Variants in TANC1 observed in about 807,000 individuals in gnomAD.
TANC1 encodes the protein tetratricopeptide repeat, ankyrin repeat and coiled-coil containing 1.
Under a neutral mutation model 149.7 loss-of-function variants are expected in TANC1, and 77 were observed. That is an observed-to-expected ratio of 0.51 (90% confidence interval 0.43 to 0.62). TANC1 has a LOEUF of 0.62. TANC1 is among the 20% of genes least tolerant of loss of function. The pLI, the probability that TANC1 is intolerant of heterozygous loss-of-function variation, is 0.00. For missense variants in TANC1, 1,985 were observed against 2,321.8 expected (o/e 0.85, Z 2.98); for synonymous variants, 854 against 925.0 (o/e 0.92, Z 1.39).
intron 3 of TANC1, among the ~76,000 whole-genome samples, chr2:159,092,321 T>G (rs1043588660): frequency 2.0e-5 from 3 of 152,190 alleles, no homozygotes; most frequent in Non-Finnish European, 4.4e-5. Context: ...TTCGTTGCCC[T>G]CATTTTTTAA....
intron 2 of TANC1, among the ~76,000 whole-genome samples, chr2:159,008,814 G>A (rs867121896): frequency 3.9e-5 from 6 of 152,118 alleles, no homozygotes; most frequent in Middle Eastern, 3.4e-3. Flanking sequence ...CAAAGTATTC[G>A]GTTGATCTAT....
At chr2:159,122,524 G>T (rs960116014) in intron 4 of TANC1, among the ~76,000 whole-genome samples, 1 of 152,066 alleles carries the variant, frequency 6.6e-6, no homozygotes, top group African/African-American at 2.4e-5. Context: ...CAAATGCACA[G>T]TTGTGTAACT....
At chr2:158,981,101 C>G (rs2034255915) in intron 1 of TANC1, among the ~76,000 whole-genome samples, 1 of 152,004 alleles carries the variant, frequency 6.6e-6, no homozygotes, top group African/African-American at 2.4e-5. Context: ...AGGTCCTAGA[C>G]TAAGATTCCC....
At chr2:159,045,299 G>A (rs1002674750) in intron 2 of TANC1, among the ~76,000 whole-genome samples, 2 of 152,150 alleles carry the variant, frequency 1.3e-5, no homozygotes, top group African/African-American at 4.8e-5. Flanking sequence ...GGGCATGGTG[G>A]CACATGCCTG....
In TANC1 at chr2:159,044,644, C is replaced by T. The variant is rs375131606; in HGVS notation, c.-15-21252C>T. ...CAGCTTGGAAGACTGGCTATTTATGCCTAGCTGTGCACAGTGGAGGCAGCA... is the reference window on the plus strand; with the variant it reads ...CAGCTTGGAAGACTGGCTATTTATGTCTAGCTGTGCACAGTGGAGGCAGCA... On this transcript the variant is annotated intron_variant, in intron 2 of 26. Coordinates refer to ENST00000263635, the MANE Select transcript of TANC1 (RefSeq NM_033394.3). Among the ~76,000 whole-genome samples, 4 of 152,028 alleles carry T rather than the reference C, an allele frequency of 2.6e-5. No individual in the cohort carries two copies. In the South Asian group the frequency reaches 6.2e-4, roughly 24 times the overall value.
intron 22 of TANC1, among the ~76,000 whole-genome samples, chr2:159,221,158 C>T (rs991631006): frequency 2.0e-5 from 3 of 152,022 alleles, no homozygotes; most frequent in African/African-American, 4.8e-5. Context: ...CGAGATTAAG[C>T]GAACTTGAGG....
intron 16 of TANC1, among the ~76,000 whole-genome samples, chr2:159,191,038 C>G (rs936072609): frequency 3.9e-5 from 6 of 152,186 alleles, no homozygotes; most frequent in African/African-American, 9.7e-5. Flanking sequence ...CCTTTCTGAT[C>G]TCTCATCCAT....
In TANC1 at chr2:159,230,637, CA is replaced by C; in HGVS notation, c.5213del (p.Asn1738IlefsTer16). 2 of 1,614,172 alleles carry C rather than the reference CA, an allele frequency of 1.2e-6. No individual in the cohort carries two copies. The highest frequency in any genetic ancestry group is 1.7e-6 in the Non-Finnish European group (2 of 1,180,038). ...DKTARFQQQS[N>X]PPSRSWHCPA... ...AGACTGCGAGGTTCCAACAGCAGAG[CA>C]ATCCTCCAAGCCGCAGCTGGCACTG... On this transcript the variant is annotated frameshift_variant, in exon 27 of 27. Transcript: ENST00000263635. LOFTEE classifies it high-confidence loss of function. This position sits in a 1 kb window ranked among gnomAD's most constrained non-coding sequence, Gnocchi z 4.4.
chr2:159,149,225 A>T lies in TANC1; in HGVS notation c.448A>T (p.Ile150Phe). 1 of 1,614,140 alleles carries T rather than the reference A, an allele frequency of 6.2e-7. No individual in the cohort carries two copies. Among genetic ancestry groups the T allele is most frequent in the East Asian group, 2.2e-5 (1 of 44,878 alleles). The change falls in exon 6 of 27, where the codon ATC becomes TTC. Residue 150 changes from isoleucine to phenylalanine, a missense_variant. Physicochemically the swap from Ile to Phe is conservative, Grantham distance 21 (BLOSUM62 0). Coordinates refer to ENST00000263635, the MANE Select transcript of TANC1 (RefSeq NM_033394.3). ...GCTGGGATTTTTACTGGGAGAAGGGATCCCAAGTGCCACACACATAACCAT... is the reference window on the plus strand; with the variant it reads ...GCTGGGATTTTTACTGGGAGAAGGGTTCCCAAGTGCCACACACATAACCAT... ...TRLGFLLGEG[I>F]PSATHITIED... is the part of the protein sequence containing the mutation.
rs547256847 is a variant in TANC1, at chr2:159,212,267, G to A, written c.3245-5230G>A. Among the ~76,000 whole-genome samples, 18 of 152,288 alleles carry A rather than the reference G, an allele frequency of 1.2e-4. No individual in the cohort carries two copies. In the East Asian group the frequency reaches 2.5e-3, roughly 21 times the overall value. On this transcript the variant is annotated intron_variant, in intron 19 of 26. Transcript: ENST00000263635. ...CTCTGCGTGGAGCCCATGCGTCTTT[G>A]TTTTGATTCATTCCTTCTTCTGGTC...
chr2:159,102,696 G>T (rs2149961316), intron 4 of TANC1, among the ~76,000 whole-genome samples: 1 of 94,542 alleles, frequency 1.1e-5, no homozygotes, highest in Non-Finnish European at 2.3e-5. Flanking sequence ...AAACATTTCT[G>T]ATTGTTGGAT....
chr2:159,009,212 A>G (rs1314546552), intron 2 of TANC1, among the ~76,000 whole-genome samples: 1 of 152,228 alleles, frequency 6.6e-6, no homozygotes, highest in Non-Finnish European at 1.5e-5. Flanking sequence ...AGGTGCCTCA[A>G]AAAAGCTAAA....
chr2:159,060,758 C>A (rs751405503), intron 2 of TANC1, among the ~76,000 whole-genome samples: 10 of 152,144 alleles, frequency 6.6e-5, no homozygotes, highest in Non-Finnish European at 1.3e-4. Flanking sequence ...TATGGCACTC[C>A]AGAAGAGAAA....
chr2:159,232,253 A>C lies in TANC1; in HGVS notation c.*1241A>C, dbSNP rs1431513455. ...CTTGGTTTAAAGGTATTTTTATATG[A>C]AAATGGTGTGTTATTGGAAGATGTT... On this transcript the variant is annotated 3_prime_UTR_variant, in exon 27 of 27. Coordinates refer to ENST00000263635, the MANE Select transcript of TANC1 (RefSeq NM_033394.3). 1 of 152,674 alleles carries C rather than the reference A, an allele frequency of 6.5e-6. No individual in the cohort carries two copies. The highest frequency in any genetic ancestry group is 2.4e-5 in the African/African-American group (1 of 41,470). 9.5% of individuals were successfully genotyped at this position (152,674 alleles called of 1,614,324 possible).
At position 159,170,509 on chromosome 2, in the gene TANC1, TTTC is replaced by T. The variant is rs769810673; in HGVS notation, c.1070-9_1070-7del. The T allele has an allele frequency of 4.3e-5, 67 of 1,560,718 alleles. No homozygotes were observed. In the East Asian group the frequency reaches 1.4e-3, roughly 32 times the overall value. The stretch of plus-strand genomic sequence containing the variant: ...TTATGACATTTTTCTAAAATTTTTT[TTTC>T]TTCTTTTGAAGCACGATTTGCTCCC... On this transcript the variant is annotated splice_polypyrimidine_tract_variant and intron_variant, in intron 9 of 26. Transcript: ENST00000263635.
intron 3 of TANC1, among the ~76,000 whole-genome samples, chr2:159,086,477 A>T (rs888692817): frequency 1.3e-5 from 2 of 152,140 alleles, no homozygotes; most frequent in Non-Finnish European, 1.5e-5. Context: ...TGGCAGGCAG[A>T]CTGAGCAACA....
chr2:159,069,986 T>C (rs2043006633), intron 3 of TANC1, among the ~76,000 whole-genome samples: 1 of 151,994 alleles, frequency 6.6e-6, no homozygotes, highest in Non-Finnish European at 1.5e-5. Context: ...TCCGCCATGT[T>C]GCCCAGGCTG....
chr2:159,200,041 A>T (rs2058134069), intron 19 of TANC1, among the ~76,000 whole-genome samples: 1 of 152,230 alleles, frequency 6.6e-6, no homozygotes, highest in South Asian at 2.1e-4. Flanking sequence ...GAGTTGGATT[A>T]TGTCTACGGG....
intron 2 of TANC1, among the ~76,000 whole-genome samples, chr2:159,051,253 T>G (rs868129846): frequency 6.6e-6 from 1 of 152,034 alleles, no homozygotes; most frequent in African/African-American, 2.4e-5. Context: ...TGTACAAGAG[T>G]GTATAAAGAA....
Sources: gnomAD v4.1 joint callset for allele counts (sites outside exome capture counted in the v4.1 genomes callset) on GRCh38, gnomAD v4.1.1 for gene constraint, Gnocchi (gnomAD v3.1) non-coding constraint, MANE v1.5 for transcripts, NCBI Gene and HGNC (gene_info 2026-07-23, HGNC 2026-07-21) for gene names.